Variants in TRMT9B observed in about 807,000 individuals in gnomAD.
TRMT9B encodes tRNA methyltransferase 9B (putative).
In TRMT9B, 16 loss-of-function variants were observed where a neutral mutation model predicts 11.5. That is an observed-to-expected ratio of 1.39 (90% CI 0.94 to 2.11). The LOEUF (loss-of-function observed/expected upper bound fraction) is 2.11, where lower values mean the gene tolerates loss of function less well. TRMT9B is among the 30% of genes most tolerant of loss of function. TRMT9B has a pLI of 0.00. For synonymous variants in TRMT9B, 274 were observed against 192.4 expected (o/e 1.42, Z -3.51); for missense variants, 941 against 553.8 (o/e 1.70, Z -7.02).
Position 13,006,210 on chromosome 8 carries a change from A to G in TRMT9B, c.8A>G (p.His3Arg), listed in dbSNP as rs1280396336. Residue 3 changes from histidine (H) to arginine (R), a missense_variant, in exon 3 of 5, where the codon CAT (histidine) becomes CGT (arginine). Transcript: ENST00000524591. The part of the protein sequence containing the change: MD[H>R]EAAQLEKQHV... ...GGTCCTGTTTTCTCCAGGATGGATC[A>G]TGAAGCCGCCCAGCTGGAGAAGCAG... 2 of 1,613,916 alleles carry G rather than the reference A, an allele frequency of 1.2e-6. No individual in the cohort carries two copies. The highest frequency in any genetic ancestry group is 4.5e-5 in the East Asian group (2 of 44,884).
intron 1 of TRMT9B, among the ~76,000 whole-genome samples, chr8:12,964,583 G>A (rs901474816): frequency 1.7e-4 from 26 of 152,044 alleles, no homozygotes; most frequent in Middle Eastern, 3.4e-3. Flanking sequence ...TTGCTTGTTC[G>A]TTTGTTTTTG....
At chr8:12,960,232 G>A (rs1458642485) in intron 1 of TRMT9B, 1 of 152,166 alleles carries the variant, frequency 6.6e-6, no homozygotes, top group African/African-American at 2.4e-5. Context: ...GAGGAAATCT[G>A]CTCATTTTTA....
In TRMT9B at chr8:13,028,505, G is replaced by A. The variant is rs565565889; in HGVS notation, c.*6461G>A. ...CCTTGATGTTGAATTCCCTGAAGAA[G>A]GTACAATTATATTTACATTCCCTTA... On this transcript the variant is annotated 3_prime_UTR_variant, in exon 5 of 5. Transcript: ENST00000524591. 3 of 166,468 alleles carry A rather than the reference G, an allele frequency of 1.8e-5. No individual in the cohort carries two copies. The highest frequency in any genetic ancestry group is 7.3e-5 in the African/African-American group (3 of 41,354). 10.3% of individuals were successfully genotyped at this position (166,468 alleles called of 1,614,324 possible). A position where few individuals can be genotyped will look rare whatever the true frequency, so the allele number is the denominator to read the frequency against.
rs1325122837 is a variant in TRMT9B at position 12,945,928 on chromosome 8, C to T, written c.-238C>T. ...CCTCCCTCTGGGAAAGTGATGAAACCTGTGAGCTCTCCTAGCAACTCTGCA... is the reference window on the plus strand; with the variant it reads ...CCTCCCTCTGGGAAAGTGATGAAACTTGTGAGCTCTCCTAGCAACTCTGCA... On this transcript the variant is annotated 5_prime_UTR_variant, in exon 1 of 5. Transcript: ENST00000524591. 1 of 152,176 alleles carries T rather than the reference C, an allele frequency of 6.6e-6. No individual in the cohort carries two copies. Among genetic ancestry groups the T allele is most frequent in the Non-Finnish European group, 1.5e-5 (1 of 68,050 alleles). 9.4% of individuals were successfully genotyped at this position (152,176 alleles called of 1,614,324 possible). A position where few individuals can be genotyped will look rare whatever the true frequency, so the allele number is the denominator to read the frequency against.
intron 1 of TRMT9B, among the ~76,000 whole-genome samples, chr8:12,971,378 A>T (rs1803598539): frequency 6.6e-6 from 1 of 152,264 alleles, no homozygotes; most frequent in East Asian, 1.9e-4. Context: ...TGGGCCTGTG[A>T]CCTCAGGGTT....
At chr8:12,984,600 G>T (rs571937116) in intron 1 of TRMT9B, among the ~76,000 whole-genome samples, 1 of 152,112 alleles carries the variant, frequency 6.6e-6, no homozygotes, top group African/African-American at 2.4e-5. Context: ...AGTGCCTTTC[G>T]TATGTAATAG....
chr8:13,015,843 C>A (rs1812549271), intron 4 of TRMT9B, among the ~76,000 whole-genome samples: 2 of 152,132 alleles, frequency 1.3e-5, no homozygotes, highest in Admixed American at 1.3e-4. Context: ...TAGTTACCAT[C>A]TTCGAATTAA....
chr8:12,991,762 C>G (rs1273985073), intron 2 of TRMT9B, among the ~76,000 whole-genome samples: 1 of 152,040 alleles, frequency 6.6e-6, no homozygotes, highest in East Asian at 1.9e-4. Flanking sequence ...GTGACCCCGT[C>G]TCTACTAAAA....
Position 13,027,956 on chromosome 8 carries a change from G to A in TRMT9B, c.*5912G>A, listed in dbSNP as rs573131. 1 allele frequency: 166,787 copies of A among 167,136 alleles called. 83,219 individuals carry two copies. The highest frequency in any genetic ancestry group is 1 in the Middle Eastern group (296 of 296). The allele number at this position is 167,136 out of a possible 1,614,324, so 10.4% of individuals were successfully genotyped here. ...CAACCTCAGTTATCTACAACACTGA[G>A]GTGCAAACATTTAAAAAGATCTCTC... On this transcript the variant is annotated 3_prime_UTR_variant, in exon 5 of 5. Transcript: ENST00000524591.
In TRMT9B at chr8:13,012,862, G is replaced by A; in HGVS notation, c.328+5G>A. 1.2e-6 allele frequency: 2 copies of A among 1,613,086 alleles called. No homozygotes were observed. Among genetic ancestry groups the A allele is most frequent in the Non-Finnish European group, 8.5e-7 (1 of 1,179,516 alleles). On this transcript the variant is annotated splice_donor_5th_base_variant and intron_variant, in intron 4 of 4. Coordinates refer to ENST00000524591, the MANE Select transcript of TRMT9B (RefSeq NM_020844.3). Reference sequence around the variant, plus strand: ...ATGCCATCATCTCCATAGGAGGTAAGGCAGCCAGATCACACATTCACCCTT... The same window carrying A: ...ATGCCATCATCTCCATAGGAGGTAAAGCAGCCAGATCACACATTCACCCTT...
intron 4 of TRMT9B, among the ~76,000 whole-genome samples, chr8:13,014,972 T>C (rs936816692): frequency 2.0e-5 from 3 of 151,616 alleles, no homozygotes; most frequent in African/African-American, 7.3e-5. Context: ...AGGCAGGGAA[T>C]TGCTTGAACC....
rs1305046916 is a variant in TRMT9B, at chr8:12,990,864, G to C, written c.-169G>C. On this transcript the variant is annotated 5_prime_UTR_variant, in exon 2 of 5. Transcript: ENST00000524591. The stretch of plus-strand genomic sequence containing the variant: ...GTGCTTCCTTCAGAGACTCACACAA[G>C]AGGTTTATCATGAGAAGGACCGCAC... The C allele has an allele frequency of 3.1e-6, 4 of 1,289,604 alleles. No homozygotes were observed. Among genetic ancestry groups the C allele is most frequent in the Non-Finnish European group, 4.0e-6 (4 of 988,574 alleles). 79.9% of individuals were successfully genotyped at this position (1,289,604 alleles called of 1,614,324 possible).
chr8:12,981,712 G>C (rs1044156930), intron 1 of TRMT9B, among the ~76,000 whole-genome samples: 2 of 151,878 alleles, frequency 1.3e-5, no homozygotes, highest in Non-Finnish European at 2.9e-5. Flanking sequence ...TGATCATCCA[G>C]CCTCAGTCTC....
At chr8:12,958,347 C>A (rs1175805382) in intron 1 of TRMT9B, 2 of 151,808 alleles carry the variant, frequency 1.3e-5, no homozygotes, top group Non-Finnish European at 2.9e-5. Context: ...AGGTATATAC[C>A]CAAGTATTGG....
intron 1 of TRMT9B, among the ~76,000 whole-genome samples, chr8:12,964,518 G>A (rs1388994767): frequency 6.6e-6 from 1 of 152,130 alleles, no homozygotes; most frequent in African/African-American, 2.4e-5. Context: ...ACTCCTTGAG[G>A]TTAAAAAATA....
At chr8:12,966,976 G>A (rs1802905844) in intron 1 of TRMT9B, among the ~76,000 whole-genome samples, 1 of 152,146 alleles carries the variant, frequency 6.6e-6, no homozygotes, top group Non-Finnish European at 1.5e-5. Flanking sequence ...TTAGGGCTAG[G>A]TAGTACTCTA....
intron 1 of TRMT9B, among the ~76,000 whole-genome samples, chr8:12,954,121 C>T (rs1020714966): frequency 6.6e-6 from 1 of 152,166 alleles, no homozygotes; most frequent in African/African-American, 2.4e-5. Flanking sequence ...GAATGGTTAA[C>T]TCTACTTTAA....
At chr8:12,970,091 C>T (rs1585135255) in intron 1 of TRMT9B, 1 of 152,214 alleles carries the variant, frequency 6.6e-6, no homozygotes, top group Non-Finnish European at 1.5e-5. Flanking sequence ...CTCACTGTTG[C>T]TGAATAAACT....
rs187066775 is a variant in TRMT9B at position 13,024,781 on chromosome 8, A to T, written c.*2737A>T. On this transcript the variant is annotated 3_prime_UTR_variant, in exon 5 of 5. Coordinates refer to ENST00000524591, the MANE Select transcript of TRMT9B (RefSeq NM_020844.3). ...TAATAAGTCTTTTACTCTTCATCTAATGAACATAAGAATCTATGCATCCAG... is the reference window on the plus strand; with the variant it reads ...TAATAAGTCTTTTACTCTTCATCTATTGAACATAAGAATCTATGCATCCAG... The T allele has an allele frequency of 8.8e-4, 147 of 167,130 alleles. 1 individual carries two copies. The highest frequency in any genetic ancestry group is 3.4e-3 in the African/African-American group (141 of 41,580). The allele number at this position is 167,130 out of a possible 1,614,324, so 10.4% of individuals were successfully genotyped here.
Sources: gnomAD v4.1 joint callset for allele counts (sites outside exome capture counted in the v4.1 genomes callset) on GRCh38, gnomAD v4.1.1 for gene constraint, MANE v1.5 for transcripts, NCBI Gene and HGNC (gene_info 2026-07-23, HGNC 2026-07-21) for gene names.